Variants in SLC35F3 observed in about 807,000 individuals in gnomAD.
SLC35F3 encodes the protein solute carrier family 35 member F3, also known as putative thiamine transporter SLC35F3.
A neutral mutation model predicts 49.9 loss-of-function variants in SLC35F3; 25 were observed. That is an observed-to-expected ratio of 0.50 (90% CI 0.37 to 0.70). The LOEUF is 0.70. SLC35F3 is among the 30% of genes least tolerant of loss of function. The probability of loss-of-function intolerance (pLI) is 0.00; values close to 1 mark genes in which losing one functional copy is unlikely to be tolerated. For missense variants in SLC35F3, 525 were observed against 639.8 expected (o/e 0.82, Z 1.94); for synonymous variants, 275 against 265.4 (o/e 1.04, Z -0.35).
At chr1:233,913,227 C>A (rs530257496) in intron 2 of SLC35F3, among the ~76,000 whole-genome samples, 1 of 152,260 alleles carries the variant, frequency 6.6e-6, no homozygotes, top group East Asian at 1.9e-4. Context: ...TATTGCTAGA[C>A]GGTAATTCCG....
chr1:234,067,170 C>T (rs1407172292), intron 2 of SLC35F3, among the ~76,000 whole-genome samples: 3 of 151,724 alleles, frequency 2.0e-5, no homozygotes, highest in Non-Finnish European at 4.4e-5. Flanking sequence ...TTTTTTTCTA[C>T]CTACACACTG....
At chr1:234,180,602 C>A (rs1666542471) in intron 2 of SLC35F3, among the ~76,000 whole-genome samples, 1 of 152,212 alleles carries the variant, frequency 6.6e-6, no homozygotes, top group Non-Finnish European at 1.5e-5. Flanking sequence ...AGGTCACTCT[C>A]TATTTAAAGT....
At chr1:234,294,672 G>A (rs1394943960) in intron 3 of SLC35F3, among the ~76,000 whole-genome samples, 2 of 152,220 alleles carry the variant, frequency 1.3e-5, no homozygotes, top group African/African-American at 4.8e-5. Context: ...TAAACGTCAA[G>A]CGCTGAGTTC....
At chr1:234,197,257 T>C (rs991115572) in intron 2 of SLC35F3, among the ~76,000 whole-genome samples, 34 of 152,164 alleles carry the variant, frequency 2.2e-4, no homozygotes, top group African/African-American at 8.2e-4. Context: ...GAGGTGTTGC[T>C]GGAACAAACA....
At chr1:233,987,416 T>A (rs1663282958) in intron 2 of SLC35F3, among the ~76,000 whole-genome samples, 1 of 152,176 alleles carries the variant, frequency 6.6e-6, no homozygotes, top group African/African-American at 2.4e-5. Flanking sequence ...TATCAATTTA[T>A]TTCCTTTCTG....
intron 2 of SLC35F3, among the ~76,000 whole-genome samples, chr1:233,994,225 T>G (rs1312395958): frequency 6.6e-6 from 1 of 152,220 alleles, no homozygotes; most frequent in Non-Finnish European, 1.5e-5. Context: ...GAGCCCTTAC[T>G]ATGGACTAGG....
chr1:233,949,082 C>G (rs1257480494), intron 2 of SLC35F3, among the ~76,000 whole-genome samples: 1 of 152,036 alleles, frequency 6.6e-6, no homozygotes, highest in African/African-American at 2.4e-5. Context: ...AAAGTTCTGT[C>G]CATTCCATCA....
chr1:233,990,080 CATA>C (rs1663327974), intron 2 of SLC35F3, among the ~76,000 whole-genome samples: 1 of 151,844 alleles, frequency 6.6e-6, no homozygotes. Flanking sequence ...ATGTGTTATT[CATA>C]ATATTAGTGA....
chr1:234,104,910 C>T (rs1665261700), intron 2 of SLC35F3, among the ~76,000 whole-genome samples: 1 of 152,094 alleles, frequency 6.6e-6, no homozygotes, highest in Non-Finnish European at 1.5e-5. Context: ...GCAGGCGGAT[C>T]ACGGGGTCAG....
At chr1:234,256,281 T>C (rs923092585) in intron 3 of SLC35F3, among the ~76,000 whole-genome samples, 2 of 152,206 alleles carry the variant, frequency 1.3e-5, no homozygotes, top group African/African-American at 4.8e-5. Flanking sequence ...GATGGAAATA[T>C]TCTATATCTT....
Position 233,930,957 on chromosome 1 carries a change from C to A in SLC35F3, c.283+25199C>A, listed in dbSNP as rs368670144. On this transcript the variant is annotated intron_variant, in intron 2 of 7. Transcript: ENST00000366618. ...AAAACAGATATATAGACCAATGGAA[C>A]AGAACAGAGGCCTCAGAAATAACAC... Among the ~76,000 whole-genome samples the A allele has an allele frequency of 5.3e-5, 8 of 152,230 alleles. No individual in the cohort carries two copies. In the East Asian group the frequency reaches 5.8e-4, roughly 11 times the overall value.
intron 2 of SLC35F3, among the ~76,000 whole-genome samples, chr1:233,906,968 C>CT (rs773792047): frequency 1.3e-5 from 2 of 152,188 alleles, no homozygotes; most frequent in African/African-American, 2.4e-5. Flanking sequence ...CTTCCAATCT[C>CT]TTGCCTCTGC....
At chr1:234,026,224 G>A (rs1019957484) in intron 2 of SLC35F3, among the ~76,000 whole-genome samples, 3 of 152,194 alleles carry the variant, frequency 2.0e-5, no homozygotes, top group Non-Finnish European at 4.4e-5. Flanking sequence ...TTTAAGTAGG[G>A]TAGTGTGATG....
At chr1:234,007,587 C>T (rs1663649632) in intron 2 of SLC35F3, among the ~76,000 whole-genome samples, 1 of 152,224 alleles carries the variant, frequency 6.6e-6, no homozygotes, top group Non-Finnish European at 1.5e-5. Flanking sequence ...GACCTTCCTC[C>T]TGTGACTATT....
At chr1:234,222,657 G>T (rs961396309) in intron 2 of SLC35F3, among the ~76,000 whole-genome samples, 3 of 152,196 alleles carry the variant, frequency 2.0e-5, no homozygotes, top group African/African-American at 7.2e-5. Context: ...CAGGCTGCAG[G>T]AGAGGGCAGT....
rs545238779 is a variant in SLC35F3 at position 234,242,998 on chromosome 1, T to G, written c.608+11257T>G. On this transcript the variant is annotated intron_variant, in intron 3 of 7. Transcript: ENST00000366618. ...AAAATGGAGACAGGCTTATCAGTAT[T>G]TTACTATGAATTAGTGGGGGAGTAG... 3.3e-5 allele frequency among the ~76,000 whole-genome samples: 5 copies of G among 152,296 alleles called. No individual in the cohort carries two copies. The East Asian group carries it at 5.8e-4, about 18-fold the overall frequency.
At chr1:234,096,260 T>C (rs190355771) in intron 2 of SLC35F3, among the ~76,000 whole-genome samples, 11 of 147,156 alleles carry the variant, frequency 7.5e-5, no homozygotes, top group South Asian at 2.3e-4. Flanking sequence ...TCTACCTCTC[T>C]TTCCCCACAT....
chr1:234,214,392 C>A lies in SLC35F3; in HGVS notation c.284-17025C>A, dbSNP rs907668287. On this transcript the variant is annotated intron_variant, in intron 2 of 7. Transcript: ENST00000366618. The surrounding 1 kb of genome is among the most constrained non-coding windows in gnomAD (Gnocchi z 8.0). ...GAGAGGGGCGAGCCGCTGGTGCTCC[C>A]CGGCGGCAGAGGGCCGCGTCGGCCA... 2 of 1,368,580 alleles carry A rather than the reference C, an allele frequency of 1.5e-6. No individual in the cohort carries two copies. The highest frequency in any genetic ancestry group is 1.8e-5 in the South Asian group (1 of 56,002). The allele number at this position is 1,368,580 out of a possible 1,614,324, so 84.8% of individuals were successfully genotyped here.
intron 2 of SLC35F3, among the ~76,000 whole-genome samples, chr1:233,950,976 G>A (rs56407910): frequency 0.043 from 6,544 of 152,120 alleles, 168 homozygotes; most frequent in Non-Finnish European, 0.067. Flanking sequence ...AAATAGGAAA[G>A]ATTTCTAATC....
Sources: gnomAD v4.1 joint callset for allele counts (sites outside exome capture counted in the v4.1 genomes callset) on GRCh38, gnomAD v4.1.1 for gene constraint, Gnocchi (gnomAD v3.1) non-coding constraint, MANE v1.5 for transcripts, NCBI Gene and HGNC (gene_info 2026-07-23, HGNC 2026-07-21) for gene names.